Variants in KIF23 observed in about 807,000 individuals in gnomAD.
The protein encoded by KIF23 is kinesin family member 23.
Under a neutral mutation model 137.5 loss-of-function variants are expected in KIF23, and 30 were observed. The ratio of observed to expected loss-of-function variants is 0.22; its 90% CI spans 0.16 to 0.30. The LOEUF (loss-of-function observed/expected upper bound fraction) is 0.30, where lower values mean the gene tolerates loss of function less well. KIF23 is among the 10% of genes least tolerant of loss of function. KIF23 has a pLI of 1.00. For missense variants in KIF23, 920 were observed against 1,194.3 expected (o/e 0.77, Z 3.38); for synonymous variants, 367 against 391.1 (o/e 0.94, Z 0.73).
At chr15:69,433,599 T>C (rs1178848228) in intron 11 of KIF23, among the ~76,000 whole-genome samples, 1 of 152,166 alleles carries the variant, frequency 6.6e-6, no homozygotes, top group Non-Finnish European at 1.5e-5. Context: ...GCTGGAATGA[T>C]TTCATCCCAA....
At chr15:69,430,931 G>A (rs550799845) in intron 11 of KIF23, among the ~76,000 whole-genome samples, 12 of 152,282 alleles carry the variant, frequency 7.9e-5, no homozygotes, top group African/African-American at 2.9e-4. Context: ...CTCATAGCTT[G>A]TGTCTTTATA....
rs1276585521 is a variant in KIF23, at chr15:69,440,291, C to G, written c.1930-17C>G. The G allele has an allele frequency of 1.2e-6, 2 of 1,603,326 alleles. No individual in the cohort carries two copies. Among genetic ancestry groups the G allele is most frequent in the Non-Finnish European group, 1.7e-6 (2 of 1,175,388 alleles). On this transcript the variant is annotated splice_polypyrimidine_tract_variant and intron_variant, in intron 17 of 23. Transcript: ENST00000679126. ...TGTGATGGAATGATAATATACATTG[C>G]CACTGATAATCTGTAGGAGCGTAGA...
intron 3 of KIF23, among the ~76,000 whole-genome samples, chr15:69,419,496 G>A (rs751775655): frequency 3.3e-5 from 5 of 152,104 alleles, no homozygotes. Flanking sequence ...CCTTAACCTG[G>A]ACTTCTCTTT....
Position 69,438,283 on chromosome 15 carries a change from A to C in KIF23, c.1633A>C (p.Asn545His). Residue 545 changes from asparagine (N) to histidine (H), a missense_variant, in exon 16 of 24, where the codon AAT becomes CAT. Physicochemically the swap from Asn to His is moderately conservative, Grantham distance 68. This residue lies in a region of KIF23 where 714 missense variants were observed against 866.2 expected (regional missense o/e 0.82). Transcript: ENST00000679126. Reference sequence around the variant, plus strand: ...TAAAGCTTTGTTACAAGAATTTGACAATGCTGTTTTAAGTAAAGAAAACCA... The same window carrying C: ...TAAAGCTTTGTTACAAGAATTTGACCATGCTGTTTTAAGTAAAGAAAACCA... ...AFKALLQEFD[N>H]AVLSKENHMQ... 1 of 1,610,694 alleles carries C rather than the reference A, an allele frequency of 6.2e-7. No homozygotes were observed. The highest frequency in any genetic ancestry group is 8.5e-7 in the Non-Finnish European group (1 of 1,179,146).
rs747759022 is a variant in KIF23 at position 69,441,051 on chromosome 15, T to C, written c.2393T>C (p.Ile798Thr). Reference protein sequence around the residue: ...REVVPTFRNEIEIEEDHCGRL... With the variant: ...REVVPTFRNETEIEEDHCGRL... ...GTGGTTCCTACATTCAGAAATGAGATAGAAATAGAAGAGGATCATTGCGGC... is the reference window on the plus strand; with the variant it reads ...GTGGTTCCTACATTCAGAAATGAGACAGAAATAGAAGAGGATCATTGCGGC... The change falls in exon 19 of 24, where the codon ATA becomes ACA. Residue 798 changes from isoleucine (I) to threonine (T), a missense_variant. This residue lies in a region of KIF23 where 714 missense variants were observed against 866.2 expected (regional missense o/e 0.82). Transcript: ENST00000679126. 6.2e-7 allele frequency: 1 copy of C among 1,613,650 alleles called. No homozygotes were observed. The highest frequency in any genetic ancestry group is 8.5e-7 in the Non-Finnish European group (1 of 1,179,686).
intron 6 of KIF23, 111 bp from the exon 7 acceptor site, chr15:69,423,048 C>G (rs1595985637): frequency 1.4e-6 from 1 of 710,228 alleles, no homozygotes; most frequent in East Asian, 2.9e-5. Flanking sequence ...ATCCGCCTGC[C>G]TCGGCCTCCC....
rs1302776984 is a variant in KIF23, at chr15:69,440,999, G to T, written c.2341G>T (p.Gly781Trp). ...TTGTATCGTGTCAGACAGAAGGCGAGGGATGTACTGGACTGAAGGCAGGGA... is the reference window on the plus strand; with the variant it reads ...TTGTATCGTGTCAGACAGAAGGCGATGGATGTACTGGACTGAAGGCAGGGA... ...KTCIVSDRRR[G>W]MYWTEGREVV... Residue 781 changes from glycine (G) to tryptophan (W), a missense_variant, in exon 19 of 24, where the codon GGG becomes TGG. Around this residue, in one of 4 missense-constraint regions of KIF23, gnomAD observed 714 missense variants for 866.2 expected, o/e 0.82. Coordinates refer to ENST00000679126, the MANE Select transcript of KIF23 (RefSeq NM_001367805.3). 6.2e-7 allele frequency: 1 copy of T among 1,614,100 alleles called. No homozygotes were observed. The highest frequency in any genetic ancestry group is 8.5e-7 in the Non-Finnish European group (1 of 1,180,044).
chr15:69,425,781 T>C (rs574947959), intron 8 of KIF23: 1 of 168,106 alleles, frequency 5.9e-6, no homozygotes, highest in African/African-American at 2.4e-5. Context: ...CTAAATTGTT[T>C]AGTGTATTGT....
chr15:69,417,656 G>T, intron 3 of KIF23, 145 bp downstream of exon 3: 2 of 878,410 alleles, frequency 2.3e-6, no homozygotes, highest in Non-Finnish European at 3.4e-6. Flanking sequence ...TATCTAAAGT[G>T]TTTTTGACTT....
At chr15:69,436,947 G>A (rs998227141) in intron 15 of KIF23, among the ~76,000 whole-genome samples, 3 of 152,086 alleles carry the variant, frequency 2.0e-5, no homozygotes, top group African/African-American at 2.4e-5. Context: ...TAGAGACGGG[G>A]TTTCGCCATG....
chr15:69,443,330 T>G (rs1443545888), intron 19 of KIF23, among the ~76,000 whole-genome samples: 10 of 72,310 alleles, frequency 1.4e-4, no homozygotes, highest in African/African-American at 1.0e-4. Context: ...TTTTGGGTTT[T>G]TTTTTTTTTT....
intron 2 of KIF23, 90 bp from the exon 3 acceptor site, chr15:69,417,289 ATGTT>A (rs1567055370): frequency 8.4e-7 from 1 of 1,191,522 alleles, no homozygotes; most frequent in Non-Finnish European, 1.1e-6. Context: ...GAGAGACTGA[ATGTT>A]TGTTGAATGA....
At chr15:69,431,650 G>T (rs1378504061) in intron 11 of KIF23, among the ~76,000 whole-genome samples, 1 of 152,016 alleles carries the variant, frequency 6.6e-6, no homozygotes, top group Non-Finnish European at 1.5e-5. Flanking sequence ...GCAATTGGGT[G>T]AGATAAGATA....
chr15:69,441,229 C>T (rs547701470), intron 19 of KIF23, 150 bp downstream of exon 19: 8 of 777,838 alleles, frequency 1.0e-5, no homozygotes, highest in African/African-American at 3.5e-5. Flanking sequence ...GATTGACTTA[C>T]GGAAATTGAG....
At chr15:69,427,375 G>A (rs939267492) in intron 10 of KIF23, 1 of 455,550 alleles carries the variant, frequency 2.2e-6, no homozygotes, top group African/African-American at 2.0e-5. Context: ...TATAGTTTTG[G>A]GAAGCTGGAT....
chr15:69,441,207 G>A, intron 19 of KIF23, 128 bp downstream of exon 19: 3 of 858,376 alleles, frequency 3.5e-6, no homozygotes, highest in Non-Finnish European at 5.2e-6. Context: ...TAATTTCTCA[G>A]TTAATTTGAA....
rs755748727 is a variant in KIF23 at position 69,444,737 on chromosome 15, C to T, written c.2422-53C>T. The T allele has an allele frequency of 1.1e-5, 17 of 1,577,150 alleles. No individual in the cohort carries two copies. The highest frequency in any genetic ancestry group is 1.3e-5 in the Non-Finnish European group (15 of 1,157,360). ...TCATCAACTAATGTAGCCAAACCTG[C>T]TGCACTTCTAATAATACCCTTAAAT... On this transcript the variant is annotated intron_variant, in intron 19 of 23. Coordinates refer to ENST00000679126, the MANE Select transcript of KIF23 (RefSeq NM_001367805.3). This position sits in a 1 kb window ranked among gnomAD's most constrained non-coding sequence, Gnocchi z 4.2.
chr15:69,426,905 CT>C (rs1283854861), intron 10 of KIF23, among the ~76,000 whole-genome samples: 4 of 152,006 alleles, frequency 2.6e-5, no homozygotes, highest in Non-Finnish European at 5.9e-5. Flanking sequence ...GTCATTATTC[CT>C]TAAACAATAC....
chr15:69,421,758 A>G lies in KIF23; in HGVS notation c.316+6A>G, dbSNP rs1567059446. 2 of 1,584,378 alleles carry G rather than the reference A, an allele frequency of 1.3e-6. No homozygotes were observed. The highest frequency in any genetic ancestry group is 1.7e-6 in the Non-Finnish European group (2 of 1,154,782). On this transcript the variant is annotated splice_donor_region_variant and intron_variant, in intron 4 of 23. Transcript: ENST00000679126. ...CCTCATTCATGGCAAAAATGGTATG[A>G]TATGACTCTTGGAGTTTTGTTAGAT... is the stretch of plus-strand genomic sequence containing the variant.
Sources: gnomAD v4.1 joint callset for allele counts (sites outside exome capture counted in the v4.1 genomes callset) on GRCh38, gnomAD v4.1.1 for gene constraint, gnomAD v4.1.1 regional missense constraint, Gnocchi (gnomAD v3.1) non-coding constraint, MANE v1.5 for transcripts, NCBI Gene and HGNC (gene_info 2026-07-23, HGNC 2026-07-21) for gene names.